The following SLIT3 variants were observed in gnomAD, a reference collection of about 807,000 sequenced individuals.
SLIT3 encodes slit homolog 3 protein.
Under a neutral mutation model 184.0 loss-of-function variants are expected in SLIT3, and 68 were observed. The observed-to-expected ratio is 0.37, with a 90% CI of 0.30 to 0.45. The LOEUF is 0.45. Ranked by LOEUF, SLIT3 falls within the 20% of genes least tolerant of loss-of-function variation. SLIT3 has a pLI of 1.00. For synonymous variants in SLIT3, 831 were observed against 828.6 expected (o/e 1.00, Z -0.05); for missense variants, 1,707 against 2,026.0 (o/e 0.84, Z 3.02).
chr5:169,230,989 A>G (rs1394159838), intron 3 of SLIT3, among the ~76,000 whole-genome samples: 1 of 152,162 alleles, frequency 6.6e-6, no homozygotes, highest in Non-Finnish European at 1.5e-5. Context: ...TATTTTATTT[A>G]CTGAACCATT....
At chr5:169,029,674 A>G (rs1756953044) in intron 4 of SLIT3, among the ~76,000 whole-genome samples, 1 of 152,230 alleles carries the variant, frequency 6.6e-6, no homozygotes, top group South Asian at 2.1e-4. Context: ...TGCAAACAAG[A>G]GATCTTGGAA....
intron 5 of SLIT3, among the ~76,000 whole-genome samples, chr5:168,860,690 C>A (rs1295134589): frequency 6.6e-6 from 1 of 152,172 alleles, no homozygotes; most frequent in Non-Finnish European, 1.5e-5. Context: ...CACACCAAGC[C>A]AGCCTTTACT....
At chr5:168,778,771 C>T (rs1019680808) in intron 12 of SLIT3, among the ~76,000 whole-genome samples, 1 of 152,260 alleles carries the variant, frequency 6.6e-6, no homozygotes, top group Non-Finnish European at 1.5e-5. Context: ...CAGCTGGCCT[C>T]ATTCAAGAGG....
At chr5:168,750,681 T>G (rs961003915) in intron 18 of SLIT3, among the ~76,000 whole-genome samples, 1 of 152,140 alleles carries the variant, frequency 6.6e-6, no homozygotes, top group African/African-American at 2.4e-5. Context: ...TGGACTAAAA[T>G]GGACCAGTTC....
chr5:169,115,422 A>G (rs1042218668), intron 4 of SLIT3, among the ~76,000 whole-genome samples: 12 of 152,288 alleles, frequency 7.9e-5, no homozygotes, highest in African/African-American at 2.9e-4. Context: ...TCTTTCCTAA[A>G]TGTAGGCATT....
At chr5:168,950,840 T>G (rs1366020926) in intron 4 of SLIT3, among the ~76,000 whole-genome samples, 1 of 152,222 alleles carries the variant, frequency 6.6e-6, no homozygotes, top group Non-Finnish European at 1.5e-5. Flanking sequence ...TATAAATGAT[T>G]TATCTGCCTC....
chr5:169,039,763 A>G (rs1487524559), intron 4 of SLIT3, among the ~76,000 whole-genome samples: 2 of 152,216 alleles, frequency 1.3e-5, no homozygotes, highest in Non-Finnish European at 2.9e-5. Context: ...CAGCTGGAGC[A>G]ACCCCTATCA....
At chr5:168,939,402 C>A (rs1289595143) in intron 4 of SLIT3, among the ~76,000 whole-genome samples, 1 of 152,166 alleles carries the variant, frequency 6.6e-6, no homozygotes, top group Admixed American at 6.5e-5. Flanking sequence ...ACAAATACAG[C>A]AAAACTTACA....
chr5:169,085,353 G>A (rs1051349701), intron 4 of SLIT3, among the ~76,000 whole-genome samples: 1 of 152,166 alleles, frequency 6.6e-6, no homozygotes, highest in Non-Finnish European at 1.5e-5. Flanking sequence ...CTGCTTTTAT[G>A]ACATCTTCTG....
At chr5:169,019,045 A>C (rs1193944975) in intron 4 of SLIT3, among the ~76,000 whole-genome samples, 1 of 152,204 alleles carries the variant, frequency 6.6e-6, no homozygotes, top group Non-Finnish European at 1.5e-5. Context: ...GCTGGGCAAC[A>C]GGAAGGAAGC....
rs562631798 is a variant in SLIT3 at position 168,900,787 on chromosome 5, C to A, written c.414-17451G>T. ...ATGGAATACTATTCAGCCATAAAAACGAATGAAATCATGTCTTTTGCAGCA... is the reference window on the plus strand; with the variant it reads ...ATGGAATACTATTCAGCCATAAAAAAGAATGAAATCATGTCTTTTGCAGCA... On this transcript the variant is annotated intron_variant, in intron 4 of 35. Coordinates refer to ENST00000519560, the MANE Select transcript of SLIT3 (RefSeq NM_003062.4). Among the ~76,000 whole-genome samples the A allele has an allele frequency of 2.1e-3, 327 of 152,194 alleles. 3 individuals carry two copies. Among genetic ancestry groups the A allele is most frequent in the African/African-American group, 7.5e-3 (313 of 41,526 alleles).
intron 4 of SLIT3, among the ~76,000 whole-genome samples, chr5:168,900,735 G>A (rs1391907860): frequency 6.6e-6 from 1 of 152,164 alleles, no homozygotes; most frequent in Non-Finnish European, 1.5e-5. Flanking sequence ...GGATGATTGG[G>A]TAAAGAAAAT....
chr5:169,110,479 G>A (rs886364015), intron 4 of SLIT3, among the ~76,000 whole-genome samples: 4 of 152,078 alleles, frequency 2.6e-5, no homozygotes, highest in Non-Finnish European at 5.9e-5. Context: ...GGTAACTTTA[G>A]GTGTTCGTTG....
intron 4 of SLIT3, among the ~76,000 whole-genome samples, chr5:168,912,245 T>C (rs1377622204): frequency 6.6e-6 from 1 of 151,436 alleles, no homozygotes; most frequent in African/African-American, 2.4e-5. Flanking sequence ...CAGTGTATTA[T>C]ACATACAACA....
chr5:168,937,292 A>T (rs1762188891), intron 4 of SLIT3, among the ~76,000 whole-genome samples: 1 of 152,126 alleles, frequency 6.6e-6, no homozygotes. Flanking sequence ...ACCCTAAGAG[A>T]AGGTAAAACC....
rs371508953 is a variant in SLIT3, at chr5:168,791,041, T to C, written c.1008-1410A>G. On this transcript the variant is annotated intron_variant, in intron 10 of 35. Transcript: ENST00000519560. ...GATTGCACTCACAAACTCGTCAGCTTACACCGGGCTTTTCTTCCGCGCTCC... is the reference window on the plus strand; with the variant it reads ...GATTGCACTCACAAACTCGTCAGCTCACACCGGGCTTTTCTTCCGCGCTCC... 17 of 152,366 alleles carry C rather than the reference T, an allele frequency of 1.1e-4. No homozygotes were observed. The East Asian group carries it at 1.3e-3, about 12-fold the overall frequency. The allele number at this position is 152,366 out of a possible 1,614,324, so 9.4% of individuals were successfully genotyped here.
At chr5:169,288,059 G>C (rs1451016877) in intron 1 of SLIT3, among the ~76,000 whole-genome samples, 1 of 152,110 alleles carries the variant, frequency 6.6e-6, no homozygotes, top group East Asian at 1.9e-4. Flanking sequence ...TTAAACCTAA[G>C]AGAGAAAAAT....
Position 168,675,243 on chromosome 5 carries a change from C to T in SLIT3, c.3687-1912G>A, listed in dbSNP as rs541583804. Among the ~76,000 whole-genome samples the T allele has an allele frequency of 3.9e-5, 6 of 152,272 alleles. No homozygotes were observed. The South Asian group carries it at 8.3e-4, about 21-fold the overall frequency. On this transcript the variant is annotated intron_variant, in intron 32 of 35. Coordinates refer to ENST00000519560, the MANE Select transcript of SLIT3 (RefSeq NM_003062.4). ...TGGAGGCTTCCTCTCTCCTTGAATT[C>T]TCCCTGACAAATCCTTGTTGGCTCC...
At chr5:169,127,546 C>G (rs1761127502) in intron 4 of SLIT3, among the ~76,000 whole-genome samples, 1 of 152,186 alleles carries the variant, frequency 6.6e-6, no homozygotes. Flanking sequence ...AGCATCAAGT[C>G]TCTGGTAAAA....
Sources: allele counts gnomAD v4.1 joint callset (sites outside exome capture counted in the v4.1 genomes callset), GRCh38; gene constraint gnomAD v4.1.1; transcripts MANE v1.5; gene names NCBI Gene and HGNC (gene_info 2026-07-23, HGNC 2026-07-21).